Variants in ZDHHC5 observed in about 807,000 individuals in gnomAD.
ZDHHC5 encodes the protein zDHHC palmitoyltransferase 5.
Under a neutral mutation model 70.0 loss-of-function variants are expected in ZDHHC5, and 22 were observed. The observed-to-expected ratio is 0.31, with a 90% CI of 0.22 to 0.45. The LOEUF is 0.45. Among genes scored for constraint, ZDHHC5 ranks in the 20% least tolerant of loss-of-function variants. The pLI is 1.00. For missense variants in ZDHHC5, 746 were observed against 926.9 expected, an observed-to-expected ratio of 0.80 and a Z score of 2.53; for synonymous variants, 313 against 347.8, an observed-to-expected ratio of 0.90 and a Z score of 1.11.
intron 2 of ZDHHC5, among the ~76,000 whole-genome samples, chr11:57,677,380 G>A (rs529392189): frequency 6.8e-5 from 10 of 147,890 alleles, no homozygotes; most frequent in African/African-American, 2.3e-4. Context: ...TCTGCCTCCT[G>A]GGTTCAAGCG....
At chr11:57,697,572 G>C (rs1240375600) in intron 10 of ZDHHC5, among the ~76,000 whole-genome samples, 1 of 151,296 alleles carries the variant, frequency 6.6e-6, no homozygotes, top group Non-Finnish European at 1.5e-5. Flanking sequence ...GAATCTGGGA[G>C]GTGGAGGTGG....
At chr11:57,688,439 A>G in intron 3 of ZDHHC5, 69 bp from the exon 4 acceptor site, 2 of 1,431,530 alleles carry the variant, frequency 1.4e-6, no homozygotes, top group South Asian at 1.6e-5. Context: ...TATTTTAAAC[A>G]TCATTGAATC....
At chr11:57,670,820 A>ATTTTT (rs36089922) in intron 1 of ZDHHC5, among the ~76,000 whole-genome samples, 1 of 128,530 alleles carries the variant, frequency 7.8e-6, no homozygotes, top group South Asian at 2.6e-4. Flanking sequence ...GAATCTTCTG[A>ATTTTT]TTTTTTTTTT....
At chr11:57,675,267 G>A (rs1412445708) in intron 2 of ZDHHC5, among the ~76,000 whole-genome samples, 1 of 152,170 alleles carries the variant, frequency 6.6e-6, no homozygotes, top group East Asian at 1.9e-4. Context: ...GGGACTAAAT[G>A]ATTTCTGTCT....
At chr11:57,694,851 C>T (rs1232673059) in intron 8 of ZDHHC5, among the ~76,000 whole-genome samples, 1 of 152,206 alleles carries the variant, frequency 6.6e-6, no homozygotes, top group African/African-American at 2.4e-5. Flanking sequence ...TAACTCATGC[C>T]TATAATCCCA....
chr11:57,670,106 A>G (rs1945985830), intron 1 of ZDHHC5, among the ~76,000 whole-genome samples: 1 of 152,112 alleles, frequency 6.6e-6, no homozygotes, highest in Non-Finnish European at 1.5e-5. Flanking sequence ...ATGATATTCT[A>G]CTCTAGATAA....
At chr11:57,691,781 ATATT>A (rs2135398350) in intron 6 of ZDHHC5, among the ~76,000 whole-genome samples, 1 of 152,062 alleles carries the variant, frequency 6.6e-6, no homozygotes, top group Non-Finnish European at 1.5e-5. Flanking sequence ...ATACATATAA[ATATT>A]TAAGATCTTC....
intron 7 of ZDHHC5, 92 bp downstream of exon 7, chr11:57,692,794 C>G (rs1399015102): frequency 7.6e-7 from 1 of 1,307,650 alleles, no homozygotes; most frequent in Non-Finnish European, 1.1e-6. Context: ...CTGGTGAGAG[C>G]CTTTAGGAAG....
rs557592364 is a variant in ZDHHC5 at position 57,698,537 on chromosome 11, C to T, written c.1123-22C>T. On this transcript the variant is annotated intron_variant, in intron 10 of 11. Transcript: ENST00000287169. ...TCTGTCACAAAAGGAGCACTAAGAG[C>T]CTGCTTTACTTTCTTCCTCAGTTGA... is the stretch of plus-strand genomic sequence containing the variant. The T allele has an allele frequency of 1.2e-4, 188 of 1,567,664 alleles. 1 individual carries two copies. In the South Asian group the frequency reaches 2.3e-3, roughly 19 times the overall value.
At chr11:57,689,971 C>T (rs1019810526) in intron 4 of ZDHHC5, 60 bp from the exon 5 acceptor site, 4 of 1,551,746 alleles carry the variant, frequency 2.6e-6, no homozygotes, top group Middle Eastern at 1.7e-4. Flanking sequence ...CTCTTCTTGA[C>T]AGAAGTAATT....
chr11:57,692,840 T>C (rs1478594858), intron 7 of ZDHHC5, 138 bp downstream of exon 7: 3 of 797,090 alleles, frequency 3.8e-6, no homozygotes, highest in Admixed American at 2.8e-5. Context: ...ACCCACTCTA[T>C]CTTAGAATGG....
At chr11:57,690,892 A>G (rs1236339591) in intron 6 of ZDHHC5, among the ~76,000 whole-genome samples, 1 of 152,096 alleles carries the variant, frequency 6.6e-6, no homozygotes, top group African/African-American at 2.4e-5. Flanking sequence ...AGATATACCT[A>G]ATGTAAGTGA....
chr11:57,696,127 G>C lies in ZDHHC5; in HGVS notation c.1009+84G>C, dbSNP rs938965962. On this transcript the variant is annotated intron_variant, in intron 9 of 11. Coordinates refer to ENST00000287169, the MANE Select transcript of ZDHHC5 (RefSeq NM_015457.3). ...TTATGAGCTGTGGAAGACAGGCAAG[G>C]GCTGGGAGATATTACTCGTGTTGTG... is the stretch of plus-strand genomic sequence containing the variant. 7.9e-6 allele frequency: 12 copies of C among 1,513,988 alleles called. No individual in the cohort carries two copies. In the Admixed American group the frequency reaches 1.6e-4, roughly 20 times the overall value. The allele number at this position is 1,513,988 out of a possible 1,614,324, so 93.8% of individuals were successfully genotyped here.
chr11:57,677,377 C>T (rs1946085963), intron 2 of ZDHHC5, among the ~76,000 whole-genome samples: 1 of 146,526 alleles, frequency 6.8e-6, no homozygotes, highest in Admixed American at 6.9e-5. Flanking sequence ...ACCTCTGCCT[C>T]CTGGGTTCAA....
At chr11:57,684,765 TGTA>T (rs1324487827) in intron 3 of ZDHHC5, among the ~76,000 whole-genome samples, 1 of 152,132 alleles carries the variant, frequency 6.6e-6, no homozygotes, top group African/African-American at 2.4e-5. Context: ...ACTGATGACA[TGTA>T]GTTTTCCTCT....
chr11:57,695,793 C>CT, intron 8 of ZDHHC5, 127 bp from the exon 9 acceptor site: 1 of 1,080,370 alleles, frequency 9.3e-7, no homozygotes, highest in Admixed American at 3.2e-5. Flanking sequence ...GAGACCTTGT[C>CT]TCAAAAAAAA....
At position 57,696,795 on chromosome 11, in the gene ZDHHC5, A is replaced by G. The variant is rs1234845384; in HGVS notation, c.1044A>G (p.Thr348=). ...SSLLAKDSPP[T]PTMYKYRPGY... ...TATTGGCCAAGGACAGCCCCCCGAC[A>G]CCTACCATGTACAAGTATCGGCCGG... Residue 348 remains threonine, a synonymous_variant, in exon 10 of 12, where the codon ACA becomes ACG. Coordinates refer to ENST00000287169, the MANE Select transcript of ZDHHC5 (RefSeq NM_015457.3). 1 of 1,613,990 alleles carries G rather than the reference A, an allele frequency of 6.2e-7. No individual in the cohort carries two copies. The highest frequency in any genetic ancestry group is 8.5e-7 in the Non-Finnish European group (1 of 1,179,886).
intron 2 of ZDHHC5, among the ~76,000 whole-genome samples, chr11:57,675,687 G>A: frequency 6.6e-6 from 1 of 152,136 alleles, no homozygotes; most frequent in East Asian, 1.9e-4. Context: ...CAAACACACT[G>A]TTTATCTTAC....
chr11:57,692,755 C>T, intron 7 of ZDHHC5, 53 bp downstream of exon 7: 2 of 1,588,924 alleles, frequency 1.3e-6, no homozygotes, highest in Non-Finnish European at 1.7e-6. Context: ...CTTTTATCTT[C>T]TTTGGGCTTG....
Sources: gnomAD v4.1 joint callset for allele counts (sites outside exome capture counted in the v4.1 genomes callset) on GRCh38, gnomAD v4.1.1 for gene constraint, MANE v1.5 for transcripts, NCBI Gene and HGNC (gene_info 2026-07-23, HGNC 2026-07-21) for gene names.